ROBO1: variants seen among roughly 807,000 people sequenced by gnomAD.
ROBO1 encodes roundabout guidance receptor 1, also known as roundabout homolog 1.
A neutral mutation model predicts 195.9 loss-of-function variants in ROBO1; 149 were observed. That is an observed-to-expected ratio of 0.76 (90% CI 0.67 to 0.87). The LOEUF (loss-of-function observed/expected upper bound fraction) is 0.87, where lower values mean the gene tolerates loss of function less well. Ranked by LOEUF, ROBO1 falls within the 40% of genes least tolerant of loss-of-function variation. The pLI is 0.00. For synonymous variants in ROBO1, 816 were observed against 733.2 expected (o/e 1.11, Z -1.82); for missense variants, 1,933 against 2,068.3 (o/e 0.93, Z 1.27).
intron 8 of ROBO1, among the ~76,000 whole-genome samples, chr3:78,696,659 T>C (rs553179093): frequency 1.1e-3 from 165 of 146,124 alleles, no homozygotes; most frequent in Middle Eastern, 3.6e-3. Flanking sequence ...TATACACATA[T>C]ATATACACAT....
At chr3:79,023,627 C>T (rs71324657) in intron 3 of ROBO1, among the ~76,000 whole-genome samples, 3 of 145,096 alleles carry the variant, frequency 2.1e-5, no homozygotes, top group Non-Finnish European at 3.0e-5. Context: ...CAGGGTTATT[C>T]GTCTTCATTT....
chr3:79,154,752 C>T (rs987123742), intron 2 of ROBO1, among the ~76,000 whole-genome samples: 1 of 151,640 alleles, frequency 6.6e-6, no homozygotes, highest in Admixed American at 6.6e-5. Flanking sequence ...CTTATCAATC[C>T]TGTAAGGAGG....
intron 2 of ROBO1, among the ~76,000 whole-genome samples, chr3:79,375,411 T>C (rs2036345287): frequency 6.6e-6 from 1 of 152,186 alleles, no homozygotes; most frequent in Non-Finnish European, 1.5e-5. Context: ...ATTTTTACTA[T>C]TCATTAGACA....
At chr3:78,956,507 A>T (rs2041057403) in intron 3 of ROBO1, among the ~76,000 whole-genome samples, 1 of 152,200 alleles carries the variant, frequency 6.6e-6, no homozygotes, top group Non-Finnish European at 1.5e-5. Context: ...TTAATTAATA[A>T]ATAATTAACC....
chr3:79,681,395 G>A lies in ROBO1; in HGVS notation c.-51+86357C>T, dbSNP rs548668247. 4.0e-4 allele frequency among the ~76,000 whole-genome samples: 61 copies of A among 152,074 alleles called. 1 individual carries two copies. Among genetic ancestry groups the A allele is most frequent in the Non-Finnish European group, 8.0e-4 (54 of 67,922 alleles). ...AACTAGAAAATATAAAGAGCTTTCAGAGAAGCAGTTGAGTATATAGAGAAT... is the reference window on the plus strand; with the variant it reads ...AACTAGAAAATATAAAGAGCTTTCAAAGAAGCAGTTGAGTATATAGAGAAT... On this transcript the variant is annotated intron_variant, in intron 1 of 30. Coordinates refer to ENST00000464233, the MANE Select transcript of ROBO1 (RefSeq NM_002941.4).
intron 2 of ROBO1, among the ~76,000 whole-genome samples, chr3:79,469,433 A>G (rs1938148231): frequency 6.6e-6 from 1 of 152,292 alleles, no homozygotes; most frequent in South Asian, 2.1e-4. Context: ...AAAACTTAAA[A>G]GGAGGGATTG....
chr3:78,661,956 C>T (rs929313744), intron 15 of ROBO1, 37 bp downstream of exon 15: 1 of 1,595,416 alleles, frequency 6.3e-7, no homozygotes. Flanking sequence ...CTCGCAGACG[C>T]TTATTAAAAC....
At chr3:78,673,285 C>A (rs1374086790) in intron 10 of ROBO1, among the ~76,000 whole-genome samples, 1 of 150,886 alleles carries the variant, frequency 6.6e-6, no homozygotes, top group African/African-American at 2.4e-5. Context: ...GTAAGCTTAT[C>A]CTATAACTTG....
intron 2 of ROBO1, among the ~76,000 whole-genome samples, chr3:79,429,043 C>A (rs1024703463): frequency 6.6e-6 from 1 of 152,212 alleles, no homozygotes. Context: ...GTGGTTACAT[C>A]ACTTTATGTA....
chr3:79,491,762 T>G (rs1480198461), intron 2 of ROBO1, among the ~76,000 whole-genome samples: 3 of 151,328 alleles, frequency 2.0e-5, no homozygotes, highest in Admixed American at 6.6e-5. Flanking sequence ...TACATTTTCT[T>G]AGAAAATGAT....
At chr3:79,316,009 C>T (rs972386025) in intron 2 of ROBO1, among the ~76,000 whole-genome samples, 33 of 152,312 alleles carry the variant, frequency 2.2e-4, no homozygotes, top group Admixed American at 5.9e-4. Flanking sequence ...ACTATAATAA[C>T]TGTACTTTAC....
Position 78,951,055 on chromosome 3 carries a change from T to C in ROBO1, c.173-12128A>G, listed in dbSNP as rs141083739. Among the ~76,000 whole-genome samples, 42 of 151,782 alleles carry C rather than the reference T, an allele frequency of 2.8e-4. No individual in the cohort carries two copies. The East Asian group carries it at 7.9e-3, about 29-fold the overall frequency. ...ATATAAAACCTATATATGTGTATGT[T>C]ATATATCATATATAACCTATATCAT... On this transcript the variant is annotated intron_variant, in intron 3 of 30. Coordinates refer to ENST00000464233, the MANE Select transcript of ROBO1 (RefSeq NM_002941.4).
intron 3 of ROBO1, among the ~76,000 whole-genome samples, chr3:79,064,858 C>T (rs1020447700): frequency 6.6e-6 from 1 of 151,874 alleles, no homozygotes; most frequent in African/African-American, 2.4e-5. Context: ...TCATGTTTTT[C>T]CTCAAATACA....
intron 2 of ROBO1, among the ~76,000 whole-genome samples, chr3:79,171,496 A>G (rs1034162320): frequency 7.2e-5 from 11 of 151,822 alleles, no homozygotes; most frequent in Non-Finnish European, 1.5e-4. Context: ...AAAGTGATGA[A>G]GAAAATATTT....
At chr3:79,427,463 C>T (rs1408823356) in intron 2 of ROBO1, among the ~76,000 whole-genome samples, 1 of 152,142 alleles carries the variant, frequency 6.6e-6, no homozygotes, top group African/African-American at 2.4e-5. Context: ...CTAATGCCAG[C>T]TTATCTGGGC....
At chr3:79,057,460 G>A (rs943928141) in intron 3 of ROBO1, among the ~76,000 whole-genome samples, 3 of 152,020 alleles carry the variant, frequency 2.0e-5, no homozygotes, top group African/African-American at 7.2e-5. Context: ...CAGACATGGT[G>A]AAATCTGTGC....
chr3:79,472,610 C>A (rs879477066), intron 2 of ROBO1, among the ~76,000 whole-genome samples: 1 of 152,108 alleles, frequency 6.6e-6, no homozygotes, highest in African/African-American at 2.4e-5. Context: ...GAGAGAAAAG[C>A]TAAAATGCAA....
At chr3:79,215,323 A>C (rs1432991970) in intron 2 of ROBO1, among the ~76,000 whole-genome samples, 2 of 152,116 alleles carry the variant, frequency 1.3e-5, no homozygotes, top group African/African-American at 4.8e-5. Context: ...ATGTGGGAAA[A>C]TAGAGATCTT....
At chr3:79,585,694 T>G (rs1385902386) in intron 2 of ROBO1, among the ~76,000 whole-genome samples, 1 of 151,968 alleles carries the variant, frequency 6.6e-6, no homozygotes, top group Non-Finnish European at 1.5e-5. Flanking sequence ...GCAGAGGTTC[T>G]CAAATTTTCT....
Sources: gnomAD v4.1 joint callset for allele counts (sites outside exome capture counted in the v4.1 genomes callset) on GRCh38, gnomAD v4.1.1 for gene constraint, MANE v1.5 for transcripts, NCBI Gene and HGNC (gene_info 2026-07-23, HGNC 2026-07-21) for gene names.